Variants in COL16A1 observed in about 807,000 individuals in gnomAD.
The protein encoded by COL16A1 is collagen type XVI alpha 1 chain, also known as collagen alpha-1(XVI) chain.
In COL16A1, 189 loss-of-function variants were observed where a neutral mutation model predicts 266.3. That is an observed-to-expected ratio of 0.71 (90% confidence interval 0.63 to 0.80). The LOEUF (loss-of-function observed/expected upper bound fraction) is 0.80, where lower values mean the gene tolerates loss of function less well. COL16A1 is among the 30% of genes least tolerant of loss of function. The pLI, the probability that COL16A1 is intolerant of heterozygous loss-of-function variation, is 0.00. For missense variants in COL16A1, 1,928 were observed against 2,122.4 expected (o/e 0.91, Z 1.80); for synonymous variants, 740 against 782.3 (o/e 0.95, Z 0.90).
chr1:31,664,497 G>A lies in COL16A1; in HGVS notation c.3555+675C>T, dbSNP rs957709895. Among the ~76,000 whole-genome samples, 5 of 152,170 alleles carry A rather than the reference G, an allele frequency of 3.3e-5. No individual in the cohort carries two copies. The highest frequency in any genetic ancestry group is 7.4e-5 in the Non-Finnish European group (5 of 68,022). Reference sequence around the variant, plus strand: ...CCCAAGCTCAGAAGTCAATCTTCGGGCTTCTTACACCACCCACTCAGCACA... The same window carrying A: ...CCCAAGCTCAGAAGTCAATCTTCGGACTTCTTACACCACCCACTCAGCACA... On this transcript the variant is annotated intron_variant, in intron 56 of 70. Coordinates refer to ENST00000373672, the MANE Select transcript of COL16A1 (RefSeq NM_001856.4). This position sits in a 1 kb window ranked among gnomAD's most constrained non-coding sequence, Gnocchi z 5.5.
chr1:31,653,456 T>G, intron 70 of COL16A1, 143 bp downstream of exon 70: 2 of 1,005,976 alleles, frequency 2.0e-6, no homozygotes, highest in South Asian at 3.4e-5. Context: ...GCAGAGTGTC[T>G]TGCACACAGT....
intron 52 of COL16A1, among the ~76,000 whole-genome samples, chr1:31,666,669 G>A (rs961280466): frequency 6.6e-6 from 1 of 151,858 alleles, no homozygotes; most frequent in Non-Finnish European, 1.5e-5. Context: ...TTCCTGCAGT[G>A]CCCCACCCAG....
In COL16A1 at chr1:31,661,414, C is replaced by T; in HGVS notation, c.3771G>A (p.Lys1257=). 1.2e-6 allele frequency: 2 copies of T among 1,614,050 alleles called. No individual in the cohort carries two copies. Among genetic ancestry groups the T allele is most frequent in the Non-Finnish European group, 1.7e-6 (2 of 1,180,032 alleles). Residue 1257 remains lysine, a splice_region_variant and synonymous_variant, in exon 60 of 71, where the codon AAG becomes AAA. Transcript: ENST00000373672. ...KTGHPGLPGP[K]GDCGKPGPPG... Reference sequence around the variant, plus strand: ...CTTGGCAGAGGTCACCAGCCCTTACCTTAGGTCCTGGGAGGCCAGGATGTC... The same window carrying T: ...CTTGGCAGAGGTCACCAGCCCTTACTTTAGGTCCTGGGAGGCCAGGATGTC...
rs369676513 is a variant in COL16A1, at chr1:31,693,198, A to G, written c.1009-44T>C. The G allele has an allele frequency of 2.9e-5, 38 of 1,329,446 alleles. 1 individual carries two copies. The African/African-American group carries it at 4.5e-4, about 16-fold the overall frequency. The allele number at this position is 1,329,446 out of a possible 1,614,324, so 82.4% of individuals were successfully genotyped here. A position where few individuals can be genotyped will look rare whatever the true frequency, so the allele number is the denominator to read the frequency against. The stretch of plus-strand genomic sequence containing the variant: ...TGGAAGATAGGACCAGAGGGGGCAC[A>G]TGGGAGCCTTGAGAAAGCTCTCCCC... On this transcript the variant is annotated intron_variant, in intron 12 of 70. Transcript: ENST00000373672.
chr1:31,683,916 A>G (rs773880118), intron 33 of COL16A1, 34 bp downstream of exon 33: 1 of 1,613,634 alleles, frequency 6.2e-7, no homozygotes, highest in Non-Finnish European at 8.5e-7. Flanking sequence ...GCCCTCACGT[A>G]GCTACGGCCC....
At chr1:31,658,661 G>T in intron 63 of COL16A1, 84 bp from the exon 64 acceptor site, 1 of 1,278,040 alleles carries the variant, frequency 7.8e-7, no homozygotes, top group Non-Finnish European at 1.1e-6. Flanking sequence ...ACACCCCATC[G>T]TGTGCCAGGG....
At chr1:31,701,585 C>A (rs1644726630) in intron 2 of COL16A1, 1 of 985,146 alleles carries the variant, frequency 1.0e-6, no homozygotes, top group Admixed American at 6.1e-5. Flanking sequence ...TCTGTCTCAT[C>A]CAGAGTCTGG....
chr1:31,656,188 G>A lies in COL16A1; in HGVS notation c.4101+212C>T, dbSNP rs1193511171. The A allele has an allele frequency of 4.2e-6, 3 of 716,198 alleles. No individual in the cohort carries two copies. Among genetic ancestry groups the A allele is most frequent in the Non-Finnish European group, 2.3e-6 (1 of 434,206 alleles). 44.4% of individuals were successfully genotyped at this position (716,198 alleles called of 1,614,324 possible). On this transcript the variant is annotated intron_variant, in intron 66 of 70. Coordinates refer to ENST00000373672, the MANE Select transcript of COL16A1 (RefSeq NM_001856.4). This position sits in a 1 kb window ranked among gnomAD's most constrained non-coding sequence, Gnocchi z 4.2. ...TGAATGAATCAATCAGTCAATCAGT[G>A]AGTAAATGAACTGGAGATTTCCTTC...
chr1:31,690,018 C>T, intron 22 of COL16A1, 167 bp from the exon 23 acceptor site: 2 of 637,122 alleles, frequency 3.1e-6, no homozygotes, highest in African/African-American at 3.7e-5. Flanking sequence ...TCAACTGACT[C>T]ATTCATTCAC....
At chr1:31,665,255 G>A (rs2148681249) in intron 55 of COL16A1, 21 bp from the exon 56 acceptor site, 1 of 1,585,616 alleles carries the variant, frequency 6.3e-7, no homozygotes, top group Non-Finnish European at 8.5e-7. Flanking sequence ...AAAGGGGCAG[G>A]CAGGAATGAA....
In COL16A1 at chr1:31,685,566, G is replaced by T; in HGVS notation, c.2016+73C>A. The T allele has an allele frequency of 6.5e-7, 1 of 1,542,550 alleles. No individual in the cohort carries two copies. ...CTGCCCAGGGAGTCAAGAGACCCAG[G>T]CAGGACCCCTCCCCTCTCCTTAGCC... is the stretch of plus-strand genomic sequence containing the variant. On this transcript the variant is annotated intron_variant, in intron 29 of 70. Coordinates refer to ENST00000373672, the MANE Select transcript of COL16A1 (RefSeq NM_001856.4). The surrounding 1 kb of genome is among the most constrained non-coding windows in gnomAD (Gnocchi z 4.0).
chr1:31,689,923 G>A (rs760672725), intron 22 of COL16A1, 72 bp from the exon 23 acceptor site: 31 of 1,329,034 alleles, frequency 2.3e-5, no homozygotes, highest in East Asian at 4.6e-5. Context: ...GGCCTCTTGC[G>A]CAGACCAGCC....
intron 9 of COL16A1, 72 bp from the exon 10 acceptor site, chr1:31,695,859 ACC>A: frequency 1.4e-6 from 2 of 1,400,422 alleles, no homozygotes; most frequent in Non-Finnish European, 2.0e-6. Flanking sequence ...CAACACCCCT[ACC>A]CCCAAACCAA....
intron 44 of COL16A1, among the ~76,000 whole-genome samples, chr1:31,674,413 G>C (rs573465965): frequency 2.0e-5 from 3 of 152,348 alleles, no homozygotes; most frequent in East Asian, 1.9e-4. Flanking sequence ...ATTCCAATAG[G>C]AACTTCTGCT....
chr1:31,652,655 C>A lies in COL16A1; in HGVS notation c.4811G>T (p.Gly1604Val). 1 of 1,569,420 alleles carries A rather than the reference C, an allele frequency of 6.4e-7. No individual in the cohort carries two copies. Among genetic ancestry groups the A allele is most frequent in the Non-Finnish European group, 8.6e-7 (1 of 1,163,450 alleles). Residue 1604 changes from glycine to valine, a missense_variant, in exon 71 of 71, where the codon GGC (glycine) becomes GTC (valine). Around this residue, in one of 2 missense-constraint regions of COL16A1, gnomAD observed 376 missense variants for 485.2 expected, o/e 0.77. Transcript: ENST00000373672. The surrounding 1 kb of genome is among the most constrained non-coding windows in gnomAD (Gnocchi z 4.8). ...TCCAAAGGCAGGTGGGGAATTTCAG[C>A]CAAAAGGCCCCTTCATGGTTTTCAT... Reference protein sequence around the residue: ...PPMKTMKGPFG With the variant: ...PPMKTMKGPFV
chr1:31,689,266 C>T (rs1466698261), intron 23 of COL16A1, 181 bp from the exon 24 acceptor site: 87 of 1,000,506 alleles, frequency 8.7e-5, no homozygotes, highest in Middle Eastern at 3.3e-4. Flanking sequence ...CAAGCAGGAG[C>T]GTGGCGGGGG....
Position 31,680,026 on chromosome 1 carries a change from T to C in COL16A1, c.2670+16A>G. 6.2e-7 allele frequency: 1 copy of C among 1,613,564 alleles called. No homozygotes were observed. The highest frequency in any genetic ancestry group is 1.7e-5 in the Admixed American group (1 of 59,980). On this transcript the variant is annotated intron_variant, in intron 40 of 70. Coordinates refer to ENST00000373672, the MANE Select transcript of COL16A1 (RefSeq NM_001856.4). The stretch of plus-strand genomic sequence containing the variant: ...CTCTCCCCCAGTTGGGGGAAGGCTC[T>C]CACAGCGCCACTTACCGGCATGCCA...
intron 52 of COL16A1, chr1:31,666,468 A>G (rs1043722260): frequency 8.0e-6 from 2 of 249,638 alleles, no homozygotes; most frequent in Non-Finnish European, 7.6e-6. Flanking sequence ...ACCCCTTCCC[A>G]CTTCTCCTCC....
rs759580612 is a variant in COL16A1, at chr1:31,685,797, G to C, written c.1885-27C>G. Reference sequence around the variant, plus strand: ...TGCCAAGCAAGGACATTGAGTTAGGGGGTCCCCCAGGCCCTAGTGCACTTG... The same window carrying C: ...TGCCAAGCAAGGACATTGAGTTAGGCGGTCCCCCAGGCCCTAGTGCACTTG... On this transcript the variant is annotated intron_variant, in intron 28 of 70. Transcript: ENST00000373672. The surrounding 1 kb of genome is among the most constrained non-coding windows in gnomAD (Gnocchi z 4.0). 1.9e-6 allele frequency: 3 copies of C among 1,612,056 alleles called. No individual in the cohort carries two copies. Among genetic ancestry groups the C allele is most frequent in the Non-Finnish European group, 2.5e-6 (3 of 1,178,766 alleles).
Sources: gnomAD v4.1 joint callset for allele counts (sites outside exome capture counted in the v4.1 genomes callset) on GRCh38, gnomAD v4.1.1 for gene constraint, gnomAD v4.1.1 regional missense constraint, Gnocchi (gnomAD v3.1) non-coding constraint, MANE v1.5 for transcripts, NCBI Gene and HGNC (gene_info 2026-07-23, HGNC 2026-07-21) for gene names.